Variants in PRH1 observed in about 807,000 individuals in gnomAD.
The protein encoded by PRH1 is proline rich protein HaeIII subfamily 1.
A neutral mutation model predicts 7.9 loss-of-function variants in PRH1; 7 were observed. The observed-to-expected ratio is 0.89, with a 90% CI of 0.50 to 1.67. PRH1 has a LOEUF of 1.67. Among genes scored for constraint, PRH1 ranks in the 40% most tolerant of loss-of-function variants. The pLI, the probability that PRH1 is intolerant of heterozygous loss-of-function variation, is 0.00. For synonymous variants in PRH1, 45 were observed against 80.8 expected (o/e 0.56, Z 2.38); for missense variants, 109 against 223.6 (o/e 0.49, Z 3.27).
At chr12:11,107,183 G>A (rs1316599880) in intron 1 of PRH1, among the ~76,000 whole-genome samples, 2 of 151,900 alleles carry the variant, frequency 1.3e-5, no homozygotes, top group Admixed American at 1.3e-4. Flanking sequence ...TAATTTTTTT[G>A]TTGAGACAGA....
At chr12:11,050,120 G>A (rs146309522), upstream of PRH1, among the ~76,000 whole-genome samples, 8 of 151,910 alleles carry the variant, frequency 5.3e-5, no homozygotes, top group East Asian at 1.9e-4. Flanking sequence ...ATCCTGTGGC[G>A]CCAGAGGAAT....
At chr12:11,037,671 G>C (rs1438856738) in intron 1 of PRH1, among the ~76,000 whole-genome samples, 2 of 152,200 alleles carry the variant, frequency 1.3e-5, no homozygotes, top group Admixed American at 6.5e-5. Context: ...AAATTTTGAT[G>C]TTTCAAATTC....
chr12:11,147,378 G>T (rs61931278), intron 1 of PRH1, among the ~76,000 whole-genome samples: 2 of 151,864 alleles, frequency 1.3e-5, no homozygotes, highest in East Asian at 1.9e-4. Flanking sequence ...AGTAGAGACA[G>T]GGTTTCACCA....
intron 1 of PRH1, among the ~76,000 whole-genome samples, chr12:11,101,038 A>G (rs1215991688): frequency 3.9e-5 from 6 of 152,196 alleles, no homozygotes; most frequent in East Asian, 1.9e-4. Context: ...AATTTCTTAC[A>G]CTTTCAAATG....
rs1944472643 is a variant in PRH1, at chr12:11,080,805, T to C, written n.124-33617A>G. On this transcript the variant is annotated intron_variant and non_coding_transcript_variant, in intron 1 of 4. Coordinates refer to the PRH1 transcript ENST00000541977. ...ATTTCTGTTTTTGAAGGTCTACTAC[T>C]CTTTGGAAACACACTGAAGACATGA... Among the ~76,000 whole-genome samples the C allele has an allele frequency of 1.7e-5, 2 of 117,842 alleles. 1 individual carries two copies. The highest frequency in any genetic ancestry group is 5.7e-5 in the African/African-American group (2 of 35,138). 77.3% of individuals were successfully genotyped at this position (117,842 alleles called of 152,430 possible). A position where few individuals can be genotyped will look rare whatever the true frequency, so the allele number is the denominator to read the frequency against.
chr12:11,051,881 T>C (rs181447828), upstream of PRH1, among the ~76,000 whole-genome samples: 49 of 151,466 alleles, frequency 3.2e-4, no homozygotes, highest in African/African-American at 1.1e-3. Context: ...TATTTATTCA[T>C]CCTTATTTGA....
At chr12:10,947,974 G>A (rs1426142036) in intron 2 of PRH1, among the ~76,000 whole-genome samples, 3 of 152,184 alleles carry the variant, frequency 2.0e-5, no homozygotes, top group Non-Finnish European at 2.9e-5. Context: ...CTTCTAATTT[G>A]TAAGAACTCA....
At chr12:11,061,143 C>T (rs201984553) in intron 1 of PRH1, among the ~76,000 whole-genome samples, 437 of 102,330 alleles carry the variant, frequency 4.3e-3, no homozygotes, top group East Asian at 0.029. Flanking sequence ...AAGAGTATGT[C>T]ACTGTCAATG....
intron 1 of PRH1, among the ~76,000 whole-genome samples, chr12:11,045,893 T>C (rs932307805): frequency 1.3e-5 from 2 of 152,108 alleles, no homozygotes; most frequent in Non-Finnish European, 2.9e-5. Context: ...GGTTATATAA[T>C]AAATAAATAT....
upstream of PRH1, among the ~76,000 whole-genome samples, chr12:10,887,768 G>T (rs939891229): frequency 6.6e-6 from 1 of 152,040 alleles, no homozygotes; most frequent in Non-Finnish European, 1.5e-5. Context: ...GGTCACTGTA[G>T]TAAATGAGGA....
chr12:10,980,305 T>C (rs986790077), intron 1 of PRH1, among the ~76,000 whole-genome samples: 1 of 152,174 alleles, frequency 6.6e-6, no homozygotes, highest in African/African-American at 2.4e-5. Flanking sequence ...TAATTCTATC[T>C]ATGTATTTCT....
chr12:10,914,889 G>A (rs963467547), intron 2 of PRH1, among the ~76,000 whole-genome samples: 6 of 152,224 alleles, frequency 3.9e-5, no homozygotes, highest in African/African-American at 1.4e-4. Context: ...AGCACTTTGG[G>A]AGGCTAAGGC....
chr12:11,092,283 G>C (rs1184658152), intron 1 of PRH1: 3 of 1,148,004 alleles, frequency 2.6e-6, no homozygotes, highest in African/African-American at 3.2e-5. Context: ...TCCGGAATTG[G>C]TTCCTGCAGG....
chr12:11,022,553 T>A, intron 1 of PRH1: 1 of 1,611,052 alleles, frequency 6.2e-7, no homozygotes. Context: ...GATGAAATGA[T>A]GAGCAGAAAA....
At chr12:10,986,275 G>A in intron 1 of PRH1, 1 of 1,614,074 alleles carries the variant, frequency 6.2e-7, no homozygotes, top group Non-Finnish European at 8.5e-7. Context: ...ATTAGCATCA[G>A]AAAAGATATC....
intron 1 of PRH1, among the ~76,000 whole-genome samples, chr12:11,004,675 T>C (rs1014506371): frequency 1.3e-5 from 2 of 152,150 alleles, no homozygotes; most frequent in Non-Finnish European, 2.9e-5. Flanking sequence ...TCATATTTCA[T>C]TATTAATTTT....
intron 1 of PRH1, among the ~76,000 whole-genome samples, chr12:11,036,341 T>C (rs1286145734): frequency 6.6e-6 from 1 of 152,218 alleles, no homozygotes; most frequent in Non-Finnish European, 1.5e-5. Flanking sequence ...CAAAACTGAA[T>C]CTGGTGCTTC....
intron 1 of PRH1, chr12:10,997,382 T>C: frequency 6.2e-7 from 1 of 1,614,152 alleles, no homozygotes; most frequent in Non-Finnish European, 8.5e-7. Context: ...CAGTTTGATC[T>C]TCCAAGTTAC....
upstream of PRH1, among the ~76,000 whole-genome samples, chr12:11,047,704 T>C (rs943639668): frequency 6.9e-6 from 1 of 145,814 alleles, no homozygotes; most frequent in Non-Finnish European, 1.5e-5. Flanking sequence ...GTTTTTGGTA[T>C]ACACATACAA....
Sources: allele counts gnomAD v4.1 joint callset (sites outside exome capture counted in the v4.1 genomes callset), GRCh38; gene constraint gnomAD v4.1.1; transcripts MANE v1.5; gene names NCBI Gene and HGNC (gene_info 2026-07-23, HGNC 2026-07-21).